The following PBLD variants were observed in gnomAD, a reference collection of about 807,000 sequenced individuals.
PBLD encodes phenazine biosynthesis like protein domain containing.
PBLD carries 26 observed loss-of-function variants against 31.3 expected under a neutral mutation model. That is an observed-to-expected ratio of 0.83 (90% CI 0.61 to 1.15). PBLD has a LOEUF of 1.15. Among genes scored for constraint, PBLD ranks in the 50% most tolerant of loss-of-function variants. The pLI is 0.00. For synonymous variants in PBLD, 114 were observed against 129.0 expected (o/e 0.88, Z 0.79); for missense variants, 307 against 351.7 (o/e 0.87, Z 1.02).
rs1420677575 is a variant in PBLD at position 68,285,191 on chromosome 10, GGAGGATCTTT to G, written c.754+147_754+156del. 1.5e-5 allele frequency: 22 copies of G among 1,479,226 alleles called. No individual in the cohort carries two copies. The African/African-American group carries it at 3.0e-4, about 20-fold the overall frequency. The allele number at this position is 1,479,226 out of a possible 1,614,324, so 91.6% of individuals were successfully genotyped here. ...GGCAGAGGTGAAGGCTGTTTGGGGT[GGAGGATCTTT>G]AAGGGTGAAGGAATTTTAAAACCTT... On this transcript the variant is annotated intron_variant, in intron 9 of 9. Coordinates refer to ENST00000358769, the MANE Select transcript of PBLD (RefSeq NM_022129.4).
rs1285527398 is a variant in PBLD, at chr10:68,284,262, TCTC to T, written c.779_781del (p.Gly260del). The T allele has an allele frequency of 1.9e-6, 3 of 1,613,568 alleles. No individual in the cohort carries two copies. The highest frequency in any genetic ancestry group is 2.5e-6 in the Non-Finnish European group (3 of 1,179,796). ...GTCTGGACGAAGGGAAATTCCCAGC[TCTC>T]CTCCTCGGTGGGAACACTGAAAAGC... is the stretch of plus-strand genomic sequence containing the variant. On this transcript the variant is annotated inframe_deletion, in exon 10 of 10. Transcript: ENST00000358769.
chr10:68,332,012 G>C (rs1326450893), intron 1 of PBLD: 1 of 152,682 alleles, frequency 6.5e-6, no homozygotes, highest in Non-Finnish European at 1.5e-5. Context: ...CGCCTTCGCA[G>C]TTCTCGCTCC....
At chr10:68,291,823 T>G (rs2044362016) in intron 6 of PBLD, among the ~76,000 whole-genome samples, 187 bp downstream of exon 6, 3 of 152,176 alleles carry the variant, frequency 2.0e-5, no homozygotes, top group African/African-American at 7.2e-5. Context: ...GGGCCAGCAG[T>G]GACAATCAGG....
intron 2 of PBLD, among the ~76,000 whole-genome samples, chr10:68,302,592 A>G (rs990416521): frequency 4.6e-5 from 7 of 152,056 alleles, no homozygotes; most frequent in African/African-American, 1.4e-4. Flanking sequence ...GCTCTTGTCC[A>G]AGCACTTTAG....
At chr10:68,297,447 C>T (rs1487357069) in intron 2 of PBLD, among the ~76,000 whole-genome samples, 1 of 152,170 alleles carries the variant, frequency 6.6e-6, no homozygotes, top group African/African-American at 2.4e-5. Flanking sequence ...GGGTCACCTC[C>T]TCCAGTAAGC....
At chr10:68,325,962 G>T (rs1438536789) in intron 1 of PBLD, among the ~76,000 whole-genome samples, 1 of 152,116 alleles carries the variant, frequency 6.6e-6, no homozygotes, top group Non-Finnish European at 1.5e-5. Flanking sequence ...CTATGTAATG[G>T]AATGTATCTG....
intron 1 of PBLD, among the ~76,000 whole-genome samples, chr10:68,318,128 G>A (rs1211386346): frequency 6.6e-6 from 1 of 151,772 alleles, no homozygotes; most frequent in Admixed American, 6.6e-5. Context: ...TTGGGAGGCT[G>A]AGCCAGGAGA....
At chr10:68,332,238 A>T (rs1193479650) in intron 1 of PBLD, 1 of 151,804 alleles carries the variant, frequency 6.6e-6, no homozygotes, top group Non-Finnish European at 1.5e-5. Flanking sequence ...AAAAGGGGGT[A>T]GGTTGGGCTG....
chr10:68,292,778 G>C (rs1022593991), intron 4 of PBLD, among the ~76,000 whole-genome samples: 1 of 152,142 alleles, frequency 6.6e-6, no homozygotes, highest in African/African-American at 2.4e-5. Flanking sequence ...CCAAAATGCT[G>C]GGATTACAGG....
Position 68,301,827 on chromosome 10 carries a change from C to A in PBLD, c.85-4842G>T, listed in dbSNP as rs1031074332. ...ACGCAAAGTCCACTGCCCACCAGCTCTTTAATCCTCTCTACCTTGGTATAC... is the reference window on the plus strand; with the variant it reads ...ACGCAAAGTCCACTGCCCACCAGCTATTTAATCCTCTCTACCTTGGTATAC... On this transcript the variant is annotated intron_variant, in intron 2 of 9. Coordinates refer to ENST00000358769, the MANE Select transcript of PBLD (RefSeq NM_022129.4). 2.0e-5 allele frequency among the ~76,000 whole-genome samples: 3 copies of A among 152,340 alleles called. No individual in the cohort carries two copies. In the East Asian group the frequency reaches 5.8e-4, roughly 29 times the overall value.
In PBLD at chr10:68,301,913, G is replaced by C. The variant is rs1157433221; in HGVS notation, c.84+4848C>G. The stretch of plus-strand genomic sequence containing the variant: ...CTTCTATTTCAGGACACTAAAAAAT[G>C]CACCTGCTATTTGCCTGAGGGACCA... On this transcript the variant is annotated intron_variant, in intron 2 of 9. Coordinates refer to ENST00000358769, the MANE Select transcript of PBLD (RefSeq NM_022129.4). 9.9e-5 allele frequency among the ~76,000 whole-genome samples: 15 copies of C among 152,252 alleles called. No individual in the cohort carries two copies. The South Asian group carries it at 1.0e-3, about 11-fold the overall frequency.
intron 1 of PBLD, among the ~76,000 whole-genome samples, chr10:68,307,702 T>C (rs2044601415): frequency 6.6e-6 from 1 of 152,092 alleles, no homozygotes; most frequent in Non-Finnish European, 1.5e-5. Context: ...AGTTTCACCA[T>C]GTTAGCCAGG....
intron 1 of PBLD, among the ~76,000 whole-genome samples, chr10:68,329,006 G>C (rs1346665314): frequency 6.6e-6 from 1 of 152,132 alleles, no homozygotes; most frequent in African/African-American, 2.4e-5. Flanking sequence ...AGCCTCCCAA[G>C]TGACTGAGAT....
At chr10:68,286,650 T>C (rs976186198) in intron 8 of PBLD, among the ~76,000 whole-genome samples, 2 of 151,762 alleles carry the variant, frequency 1.3e-5, no homozygotes, top group Admixed American at 6.6e-5. Context: ...AAAGGCAAAC[T>C]CTTCCACCAA....
rs2044317633 is a variant in PBLD at position 68,288,622 on chromosome 10, C to T, written c.552G>A (p.Leu184=). ...LENLKVNTEN[L]LQVENTGKVK... is the part of the protein sequence containing the mutation. The stretch of plus-strand genomic sequence containing the variant: ...CCTTCCCTGTGTTTTCAACTTGCAG[C>T]AGATTCTCCGTGTTCACTTTCAGGT... Residue 184 remains leucine (L), a synonymous_variant, in exon 8 of 10, where the codon CTG becomes CTA. Transcript: ENST00000358769. The T allele has an allele frequency of 6.2e-7, 1 of 1,614,168 alleles. No homozygotes were observed. The highest frequency in any genetic ancestry group is 2.2e-5 in the East Asian group (1 of 44,876).
At chr10:68,319,087 GAA>G (rs1368879104) in intron 1 of PBLD, among the ~76,000 whole-genome samples, 1 of 125,048 alleles carries the variant, frequency 8.0e-6, no homozygotes, top group Admixed American at 8.6e-5. Context: ...AAGAAAGAAA[GAA>G]AGAAAGAAAG....
chr10:68,294,985 C>T (rs570955442), intron 4 of PBLD, among the ~76,000 whole-genome samples: 22 of 152,248 alleles, frequency 1.4e-4, no homozygotes, highest in Non-Finnish European at 2.8e-4. Flanking sequence ...TTTCCATTTC[C>T]GTTTGCTGTC....
In PBLD at chr10:68,289,284, T is replaced by C. The variant is rs569705998; in HGVS notation, c.424-265A>G. On this transcript the variant is annotated intron_variant, in intron 6 of 9. Coordinates refer to ENST00000358769, the MANE Select transcript of PBLD (RefSeq NM_022129.4). ...GGCTCACACCTGTAATCCCAGCACT[T>C]TGGGAGGCTGAGGTAGGTGGATCAC... 1.4e-4 allele frequency among the ~76,000 whole-genome samples: 22 copies of C among 152,100 alleles called. No individual in the cohort carries two copies. In the South Asian group the frequency reaches 4.2e-3, roughly 29 times the overall value.
At chr10:68,326,474 G>C (rs917253745) in intron 1 of PBLD, among the ~76,000 whole-genome samples, 1 of 152,078 alleles carries the variant, frequency 6.6e-6, no homozygotes, top group Admixed American at 6.6e-5. Flanking sequence ...ACATTACATC[G>C]GAAATATTAT....
Sources: gnomAD v4.1 joint callset for allele counts (sites outside exome capture counted in the v4.1 genomes callset) on GRCh38, gnomAD v4.1.1 for gene constraint, MANE v1.5 for transcripts, NCBI Gene and HGNC (gene_info 2026-07-23, HGNC 2026-07-21) for gene names.